The following BBX variants were observed in gnomAD, a reference collection of about 807,000 sequenced individuals.
BBX encodes BBX high mobility group box domain containing.
A neutral mutation model predicts 100.2 loss-of-function variants in BBX; 30 were observed. The ratio of observed to expected loss-of-function variants is 0.30; its 90% CI spans 0.22 to 0.41. BBX has a LOEUF of 0.41. Ranked by LOEUF, BBX falls within the 10% of genes least tolerant of loss-of-function variation. The pLI, the probability that BBX is intolerant of heterozygous loss-of-function variation, is 1.00. For synonymous variants in BBX, 376 were observed against 388.1 expected (o/e 0.97, Z 0.37); for missense variants, 1,023 against 1,129.8 (o/e 0.91, Z 1.35).
chr3:107,599,327 T>C (rs1205762115), intron 2 of BBX: 1 of 152,290 alleles, frequency 6.6e-6, no homozygotes, highest in African/African-American at 2.4e-5. Flanking sequence ...CAGATCAGCT[T>C]CCTGCTTCTC....
intron 13 of BBX, among the ~76,000 whole-genome samples, chr3:107,781,816 T>A (rs1559716182): frequency 6.6e-6 from 1 of 152,110 alleles, no homozygotes; most frequent in Non-Finnish European, 1.5e-5. Context: ...CCTTCTTATA[T>A]TTTTTCAATC....
chr3:107,695,873 G>A (rs1559986817), intron 3 of BBX, among the ~76,000 whole-genome samples: 1 of 151,734 alleles, frequency 6.6e-6, no homozygotes. Context: ...TATGAAACTG[G>A]GTGCTCCTGT....
intron 2 of BBX, among the ~76,000 whole-genome samples, chr3:107,543,970 G>T (rs865956787): frequency 5.7e-4 from 87 of 152,260 alleles, no homozygotes; most frequent in African/African-American, 2.0e-3. Context: ...CTTGTCACTC[G>T]GACTGAATCC....
intron 2 of BBX, among the ~76,000 whole-genome samples, chr3:107,592,900 C>T (rs1559850976): frequency 1.3e-5 from 2 of 152,126 alleles, no homozygotes; most frequent in African/African-American, 4.8e-5. Flanking sequence ...GCTCGTTTAG[C>T]ACTTTGTTTT....
intron 2 of BBX, among the ~76,000 whole-genome samples, chr3:107,579,814 C>T (rs1442958553): frequency 6.6e-6 from 1 of 152,186 alleles, no homozygotes; most frequent in African/African-American, 2.4e-5. Context: ...TATCGGTCTT[C>T]ATTCTATTAT....
chr3:107,637,221 C>T (rs947896565), intron 2 of BBX, among the ~76,000 whole-genome samples: 1 of 152,172 alleles, frequency 6.6e-6, no homozygotes, highest in African/African-American at 2.4e-5. Flanking sequence ...ATTTTACATG[C>T]TCACTTCTAC....
At chr3:107,525,805 G>T (rs911157904) in intron 1 of BBX, among the ~76,000 whole-genome samples, 2 of 152,204 alleles carry the variant, frequency 1.3e-5, no homozygotes, top group African/African-American at 4.8e-5. Flanking sequence ...TGTGACCCGG[G>T]CTGGGTGTTT....
At chr3:107,621,399 T>C (rs13316169) in intron 2 of BBX, among the ~76,000 whole-genome samples, 17,648 of 152,298 alleles carry the variant, frequency 0.12, 1,375 homozygotes, top group Middle Eastern at 0.19. Context: ...GATTGTTTTA[T>C]ATATAATGTC....
chr3:107,803,952 T>TA (rs2070802494), intron 17 of BBX, among the ~76,000 whole-genome samples: 1 of 9,390 alleles, frequency 1.1e-4, no homozygotes, highest in Non-Finnish European at 3.2e-4. Flanking sequence ...TCATCTTTTT[T>TA]GTTTTTTTTT....
At chr3:107,721,028 A>C (rs1297779199) in intron 5 of BBX, among the ~76,000 whole-genome samples, 10 of 152,096 alleles carry the variant, frequency 6.6e-5, no homozygotes, top group Non-Finnish European at 1.0e-4. Context: ...TTTGCCTACT[A>C]TTAGAGTAGC....
intron 2 of BBX, among the ~76,000 whole-genome samples, chr3:107,613,504 G>A (rs2055005126): frequency 6.6e-6 from 1 of 151,774 alleles, no homozygotes; most frequent in African/African-American, 2.4e-5. Flanking sequence ...ATGTATGTAT[G>A]TGTGAACTAT....
chr3:107,773,538 G>A lies in BBX; in HGVS notation c.1817G>A (p.Cys606Tyr). The change falls in exon 11 of 18, where the codon TGT becomes TAT. Residue 606 changes from cysteine to tyrosine, a missense_variant. Around this residue, in one of 9 missense-constraint regions of BBX, gnomAD observed 348 missense variants for 353.2 expected, o/e 0.99. Transcript: ENST00000325805. This position sits in a 1 kb window ranked among gnomAD's most constrained non-coding sequence, Gnocchi z 4.1. Reference protein sequence around the residue: ...DSDCHRKIETCGSRKSERSCK... With the variant: ...DSDCHRKIETYGSRKSERSCK... ...GACTGTCACAGAAAAATAGAAACTT[G>A]TGGTTCCAGGAAATCCGAGAGGTCT... 4 of 1,614,084 alleles carry A rather than the reference G, an allele frequency of 2.5e-6. No homozygotes were observed. Among genetic ancestry groups the A allele is most frequent in the Non-Finnish European group, 1.7e-6 (2 of 1,179,956 alleles).
At chr3:107,646,025 T>A (rs2057495189) in intron 3 of BBX, 116 bp downstream of exon 3, 1 of 152,604 alleles carries the variant, frequency 6.6e-6, no homozygotes. Context: ...GATCATTGGA[T>A]ATTTTTTTCT....
rs1050072095 is a variant in BBX, at chr3:107,613,249, G to A, written c.-83-32587G>A. Among the ~76,000 whole-genome samples, 5 of 149,330 alleles carry A rather than the reference G, an allele frequency of 3.3e-5. No homozygotes were observed. The South Asian group carries it at 6.5e-4, about 19-fold the overall frequency. On this transcript the variant is annotated intron_variant, in intron 2 of 17. Coordinates refer to ENST00000325805, the MANE Select transcript of BBX (RefSeq NM_001142568.3). ...GTCGCCCAGGCTGGAGTGCAGTGGC[G>A]CATCTCGGCTCACTACAAGCTCTGC...
intron 3 of BBX, among the ~76,000 whole-genome samples, chr3:107,689,861 C>G (rs1294364930): frequency 6.6e-6 from 1 of 152,086 alleles, no homozygotes; most frequent in Non-Finnish European, 1.5e-5. Flanking sequence ...AAGTCCAGAG[C>G]CTTTATAGGC....
At chr3:107,614,430 C>CA (rs1246756342) in intron 2 of BBX, among the ~76,000 whole-genome samples, 2 of 151,002 alleles carry the variant, frequency 1.3e-5, no homozygotes, top group African/African-American at 4.9e-5. Context: ...CCCACCCCCC[C>CA]AAAAAAAATG....
chr3:107,698,365 G>A (rs1209533159), intron 3 of BBX, among the ~76,000 whole-genome samples: 1 of 151,446 alleles, frequency 6.6e-6, no homozygotes, highest in African/African-American at 2.4e-5. Context: ...AAAATTCAAA[G>A]AGCTAGGCCA....
At chr3:107,620,439 G>C (rs2055656990) in intron 2 of BBX, among the ~76,000 whole-genome samples, 1 of 152,188 alleles carries the variant, frequency 6.6e-6, no homozygotes, top group Non-Finnish European at 1.5e-5. Flanking sequence ...TTTGGTATGA[G>C]AAGTGACTTT....
chr3:107,559,058 A>C (rs1213351340), intron 2 of BBX, among the ~76,000 whole-genome samples: 3 of 152,242 alleles, frequency 2.0e-5, no homozygotes, highest in Non-Finnish European at 4.4e-5. Flanking sequence ...TTTGTGTGTA[A>C]GAAAGTTGGT....
Sources: gnomAD v4.1 joint callset for allele counts (sites outside exome capture counted in the v4.1 genomes callset) on GRCh38, gnomAD v4.1.1 for gene constraint, gnomAD v4.1.1 regional missense constraint, Gnocchi (gnomAD v3.1) non-coding constraint, MANE v1.5 for transcripts, NCBI Gene and HGNC (gene_info 2026-07-23, HGNC 2026-07-21) for gene names.